The following PRIMPOL variants were observed in gnomAD, a reference collection of about 807,000 sequenced individuals.
PRIMPOL encodes the protein primase and DNA directed polymerase.
In PRIMPOL, 54 loss-of-function variants were observed where a neutral mutation model predicts 63.6. The observed-to-expected ratio is 0.85, with a 90% CI of 0.68 to 1.07. The LOEUF is 1.07. Ranked by LOEUF, PRIMPOL falls within the 50% of genes least tolerant of loss-of-function variation. PRIMPOL has a pLI of 0.00. For synonymous variants in PRIMPOL, 197 were observed against 220.2 expected (o/e 0.89, Z 0.93); for missense variants, 610 against 648.3 (o/e 0.94, Z 0.64).
intron 13 of PRIMPOL, 52 bp downstream of exon 13, chr4:184,691,764 TA>T (rs753016118): frequency 3.6e-6 from 5 of 1,382,196 alleles, no homozygotes; most frequent in Admixed American, 3.4e-5. Context: ...CTTGGTACAA[TA>T]GTATACCTGA....
intron 5 of PRIMPOL, 29 bp downstream of exon 5, chr4:184,661,932 T>TTCTC (rs1553990446): frequency 1.4e-6 from 2 of 1,399,590 alleles, no homozygotes; most frequent in South Asian, 1.2e-5. Flanking sequence ...TTTTTCTTAT[T>TTCTC]TCTATCCATC....
chr4:184,651,153 C>T (rs1744278096), intron 1 of PRIMPOL, among the ~76,000 whole-genome samples: 1 of 151,846 alleles, frequency 6.6e-6, no homozygotes, highest in African/African-American at 2.4e-5. Context: ...TAGCCGGGTG[C>T]AGTGGTGGGC....
At chr4:184,671,746 T>G (rs954814259) in intron 6 of PRIMPOL, among the ~76,000 whole-genome samples, 18 of 149,828 alleles carry the variant, frequency 1.2e-4, no homozygotes, top group African/African-American at 4.2e-4. Flanking sequence ...CGGTTTTTTT[T>G]TTTTTTTTTT....
chr4:184,693,319 A>T (rs1187104273), intron 13 of PRIMPOL, among the ~76,000 whole-genome samples: 2 of 152,222 alleles, frequency 1.3e-5, no homozygotes, highest in African/African-American at 2.4e-5. Flanking sequence ...CGCCCTTGTT[A>T]GTCTGGATTG....
chr4:184,683,851 T>C (rs1756304930), intron 9 of PRIMPOL, among the ~76,000 whole-genome samples: 3 of 152,216 alleles, frequency 2.0e-5, no homozygotes, highest in Non-Finnish European at 4.4e-5. Context: ...ATTGGTTATA[T>C]ACTATGAAAT....
intron 2 of PRIMPOL, among the ~76,000 whole-genome samples, chr4:184,653,628 G>T (rs1039410295): frequency 6.6e-6 from 1 of 152,146 alleles, no homozygotes; most frequent in Non-Finnish European, 1.5e-5. Context: ...GGGATTACAG[G>T]TGCAAGCCAC....
intron 8 of PRIMPOL, 141 bp from the exon 9 acceptor site, chr4:184,682,107 G>T: frequency 2.0e-6 from 1 of 504,410 alleles, no homozygotes; most frequent in Non-Finnish European, 3.6e-6. Flanking sequence ...GGCAAATGTG[G>T]CATAAATGTC....
Position 184,694,830 on chromosome 4 carries a change from T to G in PRIMPOL, c.*51T>G, listed in dbSNP as rs895649470. The G allele has an allele frequency of 2.1e-6, 3 of 1,443,428 alleles. No individual in the cohort carries two copies. Among genetic ancestry groups the G allele is most frequent in the Admixed American group, 1.8e-5 (1 of 54,642 alleles). The allele number at this position is 1,443,428 out of a possible 1,614,324, so 89.4% of individuals were successfully genotyped here. ...ACCAGGCTATAATTTGCCTGATGTC[T>G]GTGAGATTTGATAAATATATCATTC... On this transcript the variant is annotated 3_prime_UTR_variant, in exon 14 of 14. Transcript: ENST00000314970.
At position 184,671,121 on chromosome 4, in the gene PRIMPOL, T is replaced by C. The variant is rs139768909; in HGVS notation, c.557-1052T>C. On this transcript the variant is annotated intron_variant, in intron 6 of 13. Transcript: ENST00000314970. ...AAGTTCTGGATTTTCTTACCAACTT[T>C]TCATGGTACAGATAGTACTGCTGTT... is the stretch of plus-strand genomic sequence containing the variant. Among the ~76,000 whole-genome samples, 230 of 152,352 alleles carry C rather than the reference T, an allele frequency of 1.5e-3. 2 individuals are homozygous for C. Among genetic ancestry groups the C allele is most frequent in the Admixed American group, 3.3e-3 (50 of 15,300 alleles).
At chr4:184,667,896 T>C (rs1750527791) in intron 6 of PRIMPOL, among the ~76,000 whole-genome samples, 1 of 152,230 alleles carries the variant, frequency 6.6e-6, no homozygotes, top group Non-Finnish European at 1.5e-5. Context: ...TGTTCACTTA[T>C]TAAGACTTTC....
At chr4:184,694,250 T>C in intron 13 of PRIMPOL, 2 of 1,145,470 alleles carry the variant, frequency 1.7e-6, no homozygotes, top group East Asian at 8.4e-5. Context: ...CCACCCTTGC[T>C]CTTCCGTCGG....
At position 184,682,314 on chromosome 4, in the gene PRIMPOL, T is replaced by C. The variant is rs1755839190; in HGVS notation, c.1074T>C (p.Tyr358=). ...AGAATAAACAAAAAGGAGTTGGATA[T>C]TTTAACAGTATCGGCACTTCAGGTA... ...PSQNKQKGVG[Y]FNSIGTSVET... The change falls in exon 9 of 14, where the codon TAT becomes TAC. Residue 358 remains tyrosine (Y), a synonymous_variant. Coordinates refer to ENST00000314970, the MANE Select transcript of PRIMPOL (RefSeq NM_152683.4). 1 of 1,595,094 alleles carries C rather than the reference T, an allele frequency of 6.3e-7. No homozygotes were observed. Among genetic ancestry groups the C allele is most frequent in the Non-Finnish European group, 8.6e-7 (1 of 1,163,458 alleles).
intron 11 of PRIMPOL, among the ~76,000 whole-genome samples, 178 bp downstream of exon 11, chr4:184,685,862 C>T (rs1459857221): frequency 6.6e-6 from 1 of 151,916 alleles, no homozygotes; most frequent in Non-Finnish European, 1.5e-5. Context: ...AGTACAGTGG[C>T]GCGATCGCGG....
rs369879079 is a variant in PRIMPOL, at chr4:184,661,666, A to G, written c.279-108A>G. On this transcript the variant is annotated intron_variant, in intron 4 of 13. Transcript: ENST00000314970. ...GGTTGCAGTGAACCGAGATCACACC[A>G]CTGCAGTCCAGCCTGGGCAACAGAG... 797 of 643,854 alleles carry G rather than the reference A, an allele frequency of 1.2e-3. 12 individuals are homozygous for G. The highest frequency in any genetic ancestry group is 8.0e-3 in the South Asian group (341 of 42,752). 39.9% of individuals were successfully genotyped at this position (643,854 alleles called of 1,614,324 possible).
At chr4:184,675,058 C>G (rs1371249679) in intron 7 of PRIMPOL, among the ~76,000 whole-genome samples, 1 of 152,194 alleles carries the variant, frequency 6.6e-6, no homozygotes, top group African/African-American at 2.4e-5. Context: ...ACACTTTTGA[C>G]TGTGAAGCGC....
chr4:184,659,429 T>C lies in PRIMPOL; in HGVS notation c.270T>C (p.Tyr90=). ...VTTYAEFWFY[Y]KSRKNLLHCY... Reference sequence around the variant, plus strand: ...CCTATGCTGAATTTTGGTTTTACTATAAATCCAGGTAGGTAGCATGCAGCA... The same window carrying C: ...CCTATGCTGAATTTTGGTTTTACTACAAATCCAGGTAGGTAGCATGCAGCA... Residue 90 remains tyrosine (Y), a synonymous_variant, in exon 4 of 14, where the codon TAT becomes TAC. Transcript: ENST00000314970. The C allele has an allele frequency of 6.2e-7, 1 of 1,604,406 alleles. No homozygotes were observed. The highest frequency in any genetic ancestry group is 8.5e-7 in the Non-Finnish European group (1 of 1,171,148).
chr4:184,691,744 C>G, intron 13 of PRIMPOL, 32 bp downstream of exon 13: 1 of 1,548,802 alleles, frequency 6.5e-7, no homozygotes, highest in South Asian at 1.1e-5. Context: ...TTTCTCCTTA[C>G]CAGGGAGTTC....
In PRIMPOL at chr4:184,661,906, A is replaced by C. The variant is rs997265631; in HGVS notation, c.408+3A>C. 4 of 1,603,122 alleles carry C rather than the reference A, an allele frequency of 2.5e-6. No individual in the cohort carries two copies. Among genetic ancestry groups the C allele is most frequent in the Admixed American group, 3.4e-5 (2 of 57,972 alleles). ...AGATGGTTGCATTACTCATTGAGGT[A>C]AATGGCCAACTCAAGTTTTTCTTAT... On this transcript the variant is annotated splice_donor_region_variant and intron_variant, in intron 5 of 13. Coordinates refer to ENST00000314970, the MANE Select transcript of PRIMPOL (RefSeq NM_152683.4).
chr4:184,649,839 G>A lies in PRIMPOL; in HGVS notation c.-207G>A, dbSNP rs901578247. The A allele has an allele frequency of 2.0e-5, 3 of 152,332 alleles. No homozygotes were observed. Among genetic ancestry groups the A allele is most frequent in the African/African-American group, 7.2e-5 (3 of 41,476 alleles). The allele number at this position is 152,332 out of a possible 1,614,324, so 9.4% of individuals were successfully genotyped here. A position where few individuals can be genotyped will look rare whatever the true frequency, so the allele number is the denominator to read the frequency against. On this transcript the variant is annotated 5_prime_UTR_variant, in exon 1 of 14. Coordinates refer to ENST00000314970, the MANE Select transcript of PRIMPOL (RefSeq NM_152683.4). ...GCCAGGCCCAACGGGTACCTAGAAG[G>A]GAGACAAAGCCAGGCCTGCTGCCCA...
Sources: allele counts gnomAD v4.1 joint callset (sites outside exome capture counted in the v4.1 genomes callset), GRCh38; gene constraint gnomAD v4.1.1; transcripts MANE v1.5; gene names NCBI Gene and HGNC (gene_info 2026-07-23, HGNC 2026-07-21).